NOTCH1: variants seen among roughly 807,000 people sequenced by gnomAD.
NOTCH1 encodes neurogenic locus notch homolog protein 1.
NOTCH1 carries 37 observed loss-of-function variants against 254.8 expected under a neutral mutation model. The observed-to-expected ratio is 0.15, with a 90% CI of 0.11 to 0.19. NOTCH1 has a LOEUF of 0.19. Among genes scored for constraint, NOTCH1 ranks in the 10% least tolerant of loss-of-function variants. The pLI is 1.00. For missense variants in NOTCH1, 2,972 were observed against 3,708.6 expected (o/e 0.80, Z 5.16); for synonymous variants, 1,731 against 1,618.1 (o/e 1.07, Z -1.68).
rs1183610885 is a variant in NOTCH1 at position 136,494,744 on chromosome 9, C to T, written c.*1327G>A. On this transcript the variant is annotated 3_prime_UTR_variant, in exon 34 of 34. Transcript: ENST00000651671. Reference sequence around the variant, plus strand: ...CCCGAGCTGAGCCAAGTCTGACGTCCCTCACTGGCATGACACACAACAGAC... The same window carrying T: ...CCCGAGCTGAGCCAAGTCTGACGTCTCTCACTGGCATGACACACAACAGAC... The T allele has an allele frequency of 1.8e-5, 7 of 398,684 alleles. No homozygotes were observed. In the East Asian group the frequency reaches 2.5e-4, roughly 14 times the overall value. 24.7% of individuals were successfully genotyped at this position (398,684 alleles called of 1,614,324 possible). A position where few individuals can be genotyped will look rare whatever the true frequency, so the allele number is the denominator to read the frequency against.
In NOTCH1 at chr9:136,518,236, T is replaced by C. The variant is rs754374362; in HGVS notation, c.1156A>G (p.Asn386Asp). The C allele has an allele frequency of 7.5e-6, 12 of 1,610,678 alleles. No homozygotes were observed. In the African/African-American group the frequency reaches 1.3e-4, roughly 18 times the overall value. The change falls in exon 7 of 34, where the codon AAC becomes GAC. Residue 386 changes from asparagine (N) to aspartate (D), a missense_variant. Transcript: ENST00000651671. ...CCATTGACAGGGTTGGTGTCGCAGTTGGAGCCCTCGTTACAGGGGTTGCTG... is the reference window on the plus strand; with the variant it reads ...CCATTGACAGGGTTGGTGTCGCAGTCGGAGCCCTCGTTACAGGGGTTGCTG... ...CISNPCNEGS[N>D]CDTNPVNGKA...
At position 136,496,183 on chromosome 9, in the gene NOTCH1, T is replaced by C; in HGVS notation, c.7556A>G (p.Gln2519Arg). 3 of 1,610,536 alleles carry C rather than the reference T, an allele frequency of 1.9e-6. No homozygotes were observed. The highest frequency in any genetic ancestry group is 2.5e-6 in the Non-Finnish European group (3 of 1,179,512). ...FLTPSPESPD[Q>R]WSSSSPHSNV... ...GGAATGCGGGGACGAGCTGGACCAC[T>C]GGTCAGGGGACTCAGGGGACGGGGT... is the stretch of plus-strand genomic sequence containing the variant. The change falls in exon 34 of 34, where the codon CAG becomes CGG. Residue 2519 changes from glutamine to arginine, a missense_variant. Transcript: ENST00000651671.
intron 8 of NOTCH1, among the ~76,000 whole-genome samples, 167 bp from the exon 9 acceptor site, chr9:136,517,552 C>T (rs1205132158): frequency 6.6e-6 from 1 of 152,164 alleles, no homozygotes; most frequent in African/African-American, 2.4e-5. Context: ...TGGCCCGGCA[C>T]CCTCATCTGC....
intron 31 of NOTCH1, 42 bp from the exon 32 acceptor site, chr9:136,499,301 TA>T: frequency 6.2e-7 from 1 of 1,607,024 alleles, no homozygotes; most frequent in Non-Finnish European, 8.5e-7. Flanking sequence ...TGGGCAGACG[TA>T]CACCGATGCC....
intron 2 of NOTCH1, among the ~76,000 whole-genome samples, chr9:136,537,995 G>C (rs1325364671): frequency 1.3e-5 from 2 of 152,254 alleles, no homozygotes; most frequent in South Asian, 4.1e-4. Flanking sequence ...CAGGAGCATC[G>C]CGTGAATCTG....
At chr9:136,544,632 C>T (rs1210510209) in intron 1 of NOTCH1, among the ~76,000 whole-genome samples, 3 of 151,936 alleles carry the variant, frequency 2.0e-5, no homozygotes, top group Non-Finnish European at 4.4e-5. Flanking sequence ...GCTACCCCGC[C>T]CGCCAACAAA....
At position 136,515,413 on chromosome 9, in the gene NOTCH1, C is replaced by T. The variant is rs371069516; in HGVS notation, c.1904-13G>A. ...TCGCAGTTGGGTCCTGAAGGGGTGG[C>T]ACGTGTCGGTCAGTCCTCAGGCCCG... On this transcript the variant is annotated splice_polypyrimidine_tract_variant and intron_variant, in intron 11 of 33. Coordinates refer to ENST00000651671, the MANE Select transcript of NOTCH1 (RefSeq NM_017617.5). 26 of 1,612,640 alleles carry T rather than the reference C, an allele frequency of 1.6e-5. No individual in the cohort carries two copies. In the African/African-American group the frequency reaches 1.9e-4, roughly 12 times the overall value.
At chr9:136,514,007 C>G (rs1010626728) in intron 13 of NOTCH1, among the ~76,000 whole-genome samples, 2 of 152,128 alleles carry the variant, frequency 1.3e-5, no homozygotes, top group Non-Finnish European at 2.9e-5. Flanking sequence ...CTTCCCATAC[C>G]CAAGACTGCG....
intron 3 of NOTCH1, among the ~76,000 whole-genome samples, 157 bp downstream of exon 3, chr9:136,523,560 C>T (rs2133378488): frequency 6.6e-6 from 1 of 152,302 alleles, no homozygotes; most frequent in East Asian, 1.9e-4. Context: ...GAGGCGATTC[C>T]AGGTCTGGGA....
chr9:136,502,029 TC>T lies in NOTCH1; in HGVS notation c.5443del (p.Asp1815ThrfsTer72). On this transcript the variant is annotated frameshift_variant, in exon 29 of 34. Coordinates refer to ENST00000651671, the MANE Select transcript of NOTCH1 (RefSeq NM_017617.5). LOFTEE classifies it high-confidence loss of function. ...LMDDNQNEWG[D>X]EDLETKKFRF... ...GAACTTCTTGGTCTCCAGGTCCTCG[TC>T]CCCCCACTCATTCTGGTTGTCGTCC... 2 of 1,612,958 alleles carry T rather than the reference TC, an allele frequency of 1.2e-6. No individual in the cohort carries two copies.
chr9:136,509,690 C>T (rs752148766), intron 18 of NOTCH1, 43 bp downstream of exon 18: 7 of 1,579,946 alleles, frequency 4.4e-6, no homozygotes, highest in African/African-American at 2.7e-5. Flanking sequence ...GTGTGGCCCG[C>T]ACCGCCCGTT....
At chr9:136,523,427 C>T (rs1445116228) in intron 3 of NOTCH1, among the ~76,000 whole-genome samples, 2 of 152,242 alleles carry the variant, frequency 1.3e-5, no homozygotes, top group African/African-American at 4.8e-5. Flanking sequence ...ACCCTTCACC[C>T]TAACAGGTGA....
At chr9:136,500,115 G>C (rs1842973127) in intron 31 of NOTCH1, among the ~76,000 whole-genome samples, 1 of 152,226 alleles carries the variant, frequency 6.6e-6, no homozygotes, top group Non-Finnish European at 1.5e-5. Flanking sequence ...CCGGCAAGCT[G>C]AGCCCTAGGT....
At position 136,522,878 on chromosome 9, in the gene NOTCH1, G is replaced by A. The variant is rs532058137; in HGVS notation, c.714C>T (p.Asp238=). 15 of 1,521,070 alleles carry A rather than the reference G, an allele frequency of 9.9e-6. No individual in the cohort carries two copies. The highest frequency in any genetic ancestry group is 2.5e-5 in the East Asian group (1 of 40,738). The allele number at this position is 1,521,070 out of a possible 1,614,324, so 94.2% of individuals were successfully genotyped here. ...QNGGTCRPTG[D]VTHECACLPG... ...GCAGGCAGGCACACTCGTGGGTGAC[G>A]TCGCCCGTGGGGCGGCAGGTGCCCC... The change falls in exon 4 of 34, where the codon GAC becomes GAT. Residue 238 remains aspartate, a synonymous_variant. Transcript: ENST00000651671.
chr9:136,503,084 G>C (rs908652945), intron 27 of NOTCH1, 98 bp downstream of exon 27: 1 of 1,551,266 alleles, frequency 6.4e-7, no homozygotes, highest in South Asian at 1.1e-5. Flanking sequence ...GCTCACACCC[G>C]TGGGTAGCAA....
intron 30 of NOTCH1, among the ~76,000 whole-genome samples, chr9:136,501,130 T>C (rs983350093): frequency 6.6e-6 from 1 of 152,182 alleles, no homozygotes; most frequent in African/African-American, 2.4e-5. Context: ...CCCAGAAGCA[T>C]GCAGTTAGAA....
rs779375653 is a variant in NOTCH1, at chr9:136,513,029, G to A, written c.2459C>T (p.Pro820Leu). ...VAGYKCNCLL[P>L]YTGATCEVVL... Reference sequence around the variant, plus strand: ...CCCCACCCACCCCTCACCTGTGTAGGGCAGCAGGCAGTTGCACTTGTACCC... The same window carrying A: ...CCCCACCCACCCCTCACCTGTGTAGAGCAGCAGGCAGTTGCACTTGTACCC... Residue 820 changes from proline to leucine, a missense_variant, in exon 15 of 34, where the codon CCC becomes CTC. Pro to Leu is a moderately conservative substitution (Grantham distance 98, BLOSUM62 -3). This residue lies in a region of NOTCH1 where 1,343 missense variants were observed against 1,557.0 expected (regional missense o/e 0.86). Transcript: ENST00000651671. This position sits in a 1 kb window ranked among gnomAD's most constrained non-coding sequence, Gnocchi z 4.7. The A allele has an allele frequency of 2.5e-6, 4 of 1,604,558 alleles. No individual in the cohort carries two copies. The South Asian group carries it at 3.3e-5, about 13-fold the overall frequency.
chr9:136,524,079 C>G (rs1843421020), intron 2 of NOTCH1, 100 bp from the exon 3 acceptor site: 3 of 1,460,886 alleles, frequency 2.1e-6, no homozygotes, highest in East Asian at 2.5e-5. Context: ...CGCCTCCCCC[C>G]ACACCCCGGG....
intron 2 of NOTCH1, among the ~76,000 whole-genome samples, chr9:136,528,445 G>T: frequency 7.6e-6 from 1 of 131,134 alleles, no homozygotes; most frequent in African/African-American, 2.9e-5. Flanking sequence ...ACGGTGAGGG[G>T]GGGATGGGCA....
Sources: allele counts gnomAD v4.1 joint callset (sites outside exome capture counted in the v4.1 genomes callset), GRCh38; gene constraint gnomAD v4.1.1; regional missense constraint gnomAD v4.1.1; non-coding constraint Gnocchi (gnomAD v3.1); transcripts MANE v1.5; gene names NCBI Gene and HGNC (gene_info 2026-07-23, HGNC 2026-07-21).